Variants in PTPRT observed in about 807,000 individuals in gnomAD.
PTPRT encodes protein tyrosine phosphatase receptor type T, also known as receptor-type tyrosine-protein phosphatase T.
A neutral mutation model predicts 176.8 loss-of-function variants in PTPRT; 56 were observed. That is an observed-to-expected ratio of 0.32 (90% CI 0.26 to 0.40). PTPRT has a LOEUF of 0.40. Among genes scored for constraint, PTPRT ranks in the 10% least tolerant of loss-of-function variants. The pLI, the probability that PTPRT is intolerant of heterozygous loss-of-function variation, is 1.00. For synonymous variants in PTPRT, 783 were observed against 739.0 expected (o/e 1.06, Z -0.96); for missense variants, 1,540 against 1,908.2 (o/e 0.81, Z 3.60).
chr20:43,166,865 A>G (rs2014872978), intron 1 of PTPRT, among the ~76,000 whole-genome samples: 1 of 152,172 alleles, frequency 6.6e-6, no homozygotes, highest in Non-Finnish European at 1.5e-5. Flanking sequence ...CTCCCTTCCC[A>G]TCAATTCTGC....
chr20:42,473,337 G>A (rs2071232031), intron 7 of PTPRT, among the ~76,000 whole-genome samples: 1 of 152,040 alleles, frequency 6.6e-6, no homozygotes, highest in Middle Eastern at 3.2e-3. Context: ...ATTTTATTAG[G>A]AATATTCTAT....
chr20:42,405,194 T>C (rs536118151), intron 9 of PTPRT, among the ~76,000 whole-genome samples: 16 of 151,124 alleles, frequency 1.1e-4, no homozygotes, highest in Non-Finnish European at 2.1e-4. Flanking sequence ...TCTTTTTTTT[T>C]TCTTTTTTTT....
chr20:42,379,600 C>A (rs2058681009), intron 9 of PTPRT, among the ~76,000 whole-genome samples: 1 of 152,232 alleles, frequency 6.6e-6, no homozygotes, highest in Admixed American at 6.5e-5. Context: ...CTCCACATTC[C>A]TACAAAGGAG....
At chr20:42,287,073 C>T (rs537516712) in intron 12 of PTPRT, among the ~76,000 whole-genome samples, 1 of 151,168 alleles carries the variant, frequency 6.6e-6, no homozygotes, top group African/African-American at 2.4e-5. Flanking sequence ...ATGGCTATTA[C>T]AAAAAAAATA....
chr20:42,253,751 A>C (rs2056588409), intron 13 of PTPRT, among the ~76,000 whole-genome samples: 1 of 152,168 alleles, frequency 6.6e-6, no homozygotes, highest in African/African-American at 2.4e-5. Flanking sequence ...TACTGACAGG[A>C]GACTCCCTCT....
intron 2 of PTPRT, among the ~76,000 whole-genome samples, chr20:42,857,148 C>G (rs1034043357): frequency 6.6e-6 from 1 of 152,240 alleles, no homozygotes; most frequent in Admixed American, 6.5e-5. Context: ...AGCTCTAGCA[C>G]TCACTATGTT....
At chr20:42,175,981 C>A (rs969384322) in intron 16 of PTPRT, among the ~76,000 whole-genome samples, 18 of 152,266 alleles carry the variant, frequency 1.2e-4, no homozygotes, top group Admixed American at 8.5e-4. Flanking sequence ...CTAACAGTAT[C>A]ATTTTCATGA....
chr20:43,012,735 T>C (rs752295655), intron 1 of PTPRT, among the ~76,000 whole-genome samples: 4 of 151,834 alleles, frequency 2.6e-5, no homozygotes, highest in African/African-American at 7.3e-5. Flanking sequence ...CCCTGGGGAG[T>C]TGGCTCCTTG....
At chr20:42,097,984 G>A (rs573643238) in intron 27 of PTPRT, among the ~76,000 whole-genome samples, 99 of 152,350 alleles carry the variant, frequency 6.5e-4, no homozygotes, top group African/African-American at 2.1e-3. Context: ...ATGTGTCCAA[G>A]GTTCAAGTCC....
At chr20:42,503,648 G>C (rs149296460) in intron 7 of PTPRT, among the ~76,000 whole-genome samples, 5 of 151,636 alleles carry the variant, frequency 3.3e-5, no homozygotes, top group Non-Finnish European at 7.4e-5. Flanking sequence ...CTCTAATCTC[G>C]GAGTGCAGCA....
intron 1 of PTPRT, among the ~76,000 whole-genome samples, chr20:43,027,717 G>A (rs1985972861): frequency 6.6e-6 from 1 of 152,242 alleles, no homozygotes; most frequent in East Asian, 1.9e-4. Context: ...ATACATTTCT[G>A]TTGTTTAGGA....
At chr20:42,614,797 T>G (rs2074037933) in intron 7 of PTPRT, among the ~76,000 whole-genome samples, 1 of 152,094 alleles carries the variant, frequency 6.6e-6, no homozygotes, top group African/African-American at 2.4e-5. Context: ...CAGTTCCACA[T>G]GGCTGGGGAG....
At chr20:42,390,665 T>C (rs1386005767) in intron 9 of PTPRT, among the ~76,000 whole-genome samples, 1 of 152,196 alleles carries the variant, frequency 6.6e-6, no homozygotes, top group African/African-American at 2.4e-5. Flanking sequence ...TACACCATAT[T>C]GGAAGTGGAT....
At chr20:42,826,791 T>C (rs779036764) in intron 2 of PTPRT, among the ~76,000 whole-genome samples, 1 of 152,118 alleles carries the variant, frequency 6.6e-6, no homozygotes, top group Non-Finnish European at 1.5e-5. Context: ...GACCAAATGG[T>C]ATGCAATCTT....
chr20:42,685,762 T>C (rs1202570919), intron 6 of PTPRT: 2 of 152,204 alleles, frequency 1.3e-5, no homozygotes, highest in East Asian at 3.8e-4. Flanking sequence ...CTGTTTCTTA[T>C]TTGATTTTTT....
intron 6 of PTPRT, among the ~76,000 whole-genome samples, chr20:42,689,160 G>A (rs189892772): frequency 1.3e-5 from 2 of 152,268 alleles, no homozygotes; most frequent in Admixed American, 1.3e-4. Context: ...TTGCCTTTTG[G>A]CCCACCATAC....
intron 1 of PTPRT, among the ~76,000 whole-genome samples, chr20:43,135,701 TACA>T (rs1447665035): frequency 6.6e-6 from 1 of 152,178 alleles, no homozygotes; most frequent in Admixed American, 6.5e-5. Context: ...TCTTACAAAG[TACA>T]ACAATAAGAG....
chr20:42,770,091 C>T (rs1311283799), intron 5 of PTPRT, among the ~76,000 whole-genome samples: 1 of 152,148 alleles, frequency 6.6e-6, no homozygotes, highest in Non-Finnish European at 1.5e-5. Context: ...ATACTTTAAA[C>T]ATCACATCTC....
At chr20:43,127,157 C>T (rs2013471223) in intron 1 of PTPRT, among the ~76,000 whole-genome samples, 1 of 152,052 alleles carries the variant, frequency 6.6e-6, no homozygotes, top group South Asian at 2.1e-4. Context: ...GGCGCGGTGG[C>T]TCACACCTGT....
Sources: gnomAD v4.1 joint callset for allele counts (sites outside exome capture counted in the v4.1 genomes callset) on GRCh38, gnomAD v4.1.1 for gene constraint, MANE v1.5 for transcripts, NCBI Gene and HGNC (gene_info 2026-07-23, HGNC 2026-07-21) for gene names.